The following TP53BP1 variants were observed in gnomAD, a reference collection of about 807,000 sequenced individuals.
TP53BP1 encodes TP53-binding protein 1.
Under a neutral mutation model 200.8 loss-of-function variants are expected in TP53BP1, and 61 were observed. The ratio of observed to expected loss-of-function variants is 0.30; its 90% confidence interval spans 0.25 to 0.38. TP53BP1 has a LOEUF of 0.38. TP53BP1 is among the 10% of genes least tolerant of loss of function. The probability of loss-of-function intolerance (pLI) is 1.00; values close to 1 mark genes in which losing one functional copy is unlikely to be tolerated. For synonymous variants in TP53BP1, 822 were observed against 844.3 expected (o/e 0.97, Z 0.46); for missense variants, 2,144 against 2,371.9 (o/e 0.90, Z 2.00).
At position 43,403,902 on chromosome 15, in the gene TP53BP1, A is replaced by G. The variant is rs2044765321; in HGVS notation, c.*3481T>C. 2.5e-6 allele frequency: 2 copies of G among 799,336 alleles called. No individual in the cohort carries two copies. The highest frequency in any genetic ancestry group is 4.3e-6 in the Non-Finnish European group (2 of 461,048). 49.5% of individuals were successfully genotyped at this position (799,336 alleles called of 1,614,324 possible). On this transcript the variant is annotated 3_prime_UTR_variant, in exon 28 of 28. Transcript: ENST00000382044. The stretch of plus-strand genomic sequence containing the variant: ...TCTGAGTCAGTAAAGCATTTCCTCA[A>G]TACACACACGTACAGAGATAAGATA...
intron 4 of TP53BP1, among the ~76,000 whole-genome samples, chr15:43,485,181 T>C (rs1258564638): frequency 6.6e-6 from 1 of 152,190 alleles, no homozygotes; most frequent in South Asian, 2.1e-4. Flanking sequence ...TGCTATACCC[T>C]ACACAAGAAT....
chr15:43,414,612 A>AC (rs1349180627), intron 23 of TP53BP1, among the ~76,000 whole-genome samples: 1 of 152,164 alleles, frequency 6.6e-6, no homozygotes, highest in Non-Finnish European at 1.5e-5. Flanking sequence ...TCAATGAACA[A>AC]CAGATGGAAT....
intron 1 of TP53BP1, among the ~76,000 whole-genome samples, chr15:43,505,842 G>A (rs1221670111): frequency 6.6e-6 from 1 of 152,190 alleles, no homozygotes; most frequent in Non-Finnish European, 1.5e-5. Flanking sequence ...TATGCATTAT[G>A]ATCATAGTAT....
chr15:43,484,059 G>A (rs2079012549), intron 4 of TP53BP1, among the ~76,000 whole-genome samples: 2 of 152,124 alleles, frequency 1.3e-5, no homozygotes, highest in Admixed American at 1.3e-4. Flanking sequence ...CATCCAGCTG[G>A]TTGTTGAAAA....
chr15:43,435,857 G>A (rs919083390), intron 16 of TP53BP1, among the ~76,000 whole-genome samples: 15 of 151,942 alleles, frequency 9.9e-5, no homozygotes, highest in Non-Finnish European at 1.8e-4. Context: ...GACCCTGCCT[G>A]GCTAATTTTT....
At chr15:43,435,383 G>A (rs2045771198) in intron 16 of TP53BP1, among the ~76,000 whole-genome samples, 1 of 150,348 alleles carries the variant, frequency 6.7e-6, no homozygotes, top group African/African-American at 2.5e-5. Flanking sequence ...GAGGCATCTA[G>A]AATCAAATCC....
At chr15:43,477,214 G>A (rs1302633080) in intron 8 of TP53BP1, among the ~76,000 whole-genome samples, 1 of 151,698 alleles carries the variant, frequency 6.6e-6, no homozygotes, top group African/African-American at 2.4e-5. Flanking sequence ...GCAGGAGAAT[G>A]GCATGATCCC....
chr15:43,441,627 A>G (rs528304302), intron 14 of TP53BP1, 44 bp from the exon 15 acceptor site: 2 of 1,395,036 alleles, frequency 1.4e-6, no homozygotes, highest in Middle Eastern at 1.8e-4. Context: ...AGAGAAACAG[A>G]ATTTAGTTAG....
rs2046296326 is a variant in TP53BP1, at chr15:43,456,359, G to A, written c.2249C>T (p.Ala750Val). Residue 750 changes from alanine to valine, a missense_variant, in exon 12 of 28, where the codon GCT (alanine) becomes GTT (valine). Around this residue, in one of 4 missense-constraint regions of TP53BP1, gnomAD observed 1,700 missense variants for 1,710.3 expected, o/e 0.99. Transcript: ENST00000382044. The stretch of plus-strand genomic sequence containing the variant: ...GTCCTCTGAAGTAGCTTCTTCCCAA[G>A]CTTCCTGTTCCTTATGTTCCAATTC... ...DQELEHKEQEAWEEATSEDSS... is the reference protein window; with the variant it reads ...DQELEHKEQEVWEEATSEDSS... 6.2e-7 allele frequency: 1 copy of A among 1,612,234 alleles called. No individual in the cohort carries two copies. The highest frequency in any genetic ancestry group is 8.5e-7 in the Non-Finnish European group (1 of 1,179,522).
Position 43,492,403 on chromosome 15 carries a change from G to C in TP53BP1, c.73C>G (p.Leu25Val). 1 of 1,614,018 alleles carries C rather than the reference G, an allele frequency of 6.2e-7. No individual in the cohort carries two copies. The highest frequency in any genetic ancestry group is 8.5e-7 in the Non-Finnish European group (1 of 1,179,928). The stretch of plus-strand genomic sequence containing the variant: ...TCAGGCTGAGAATCTTCAATTATCA[G>C]GCAAGGAGTATCTTGCTGAGAGAAA... ...SDFSQQDTPCLIIEDSQPESQ... is the reference protein window; with the variant it reads ...SDFSQQDTPCVIIEDSQPESQ... Residue 25 changes from leucine to valine, a missense_variant, in exon 2 of 28, where the codon CTG becomes GTG. Leu to Val is a conservative substitution (Grantham distance 32). Transcript: ENST00000382044.
intron 11 of TP53BP1, among the ~76,000 whole-genome samples, chr15:43,465,974 C>G (rs1302723037): frequency 6.6e-6 from 1 of 152,170 alleles, no homozygotes; most frequent in Non-Finnish European, 1.5e-5. Context: ...CACTTAACAG[C>G]AGCACTGGAA....
At position 43,407,307 on chromosome 15, in the gene TP53BP1, A is replaced by G; in HGVS notation, c.*76T>C. On this transcript the variant is annotated 3_prime_UTR_variant, in exon 28 of 28. Transcript: ENST00000382044. ...ATCCATGCAAGGAATCCAGTTACAC[A>G]CAAGACACATTTAAAACCTGGTTAA... 7.6e-7 allele frequency: 1 copy of G among 1,313,820 alleles called. No individual in the cohort carries two copies. Among genetic ancestry groups the G allele is most frequent in the South Asian group, 1.3e-5 (1 of 76,634 alleles). The allele number at this position is 1,313,820 out of a possible 1,614,324, so 81.4% of individuals were successfully genotyped here.
At chr15:43,427,170 T>C (rs1043198307) in intron 18 of TP53BP1, among the ~76,000 whole-genome samples, 2 of 152,324 alleles carry the variant, frequency 1.3e-5, no homozygotes, top group South Asian at 4.1e-4. Context: ...AAAGTCAGCA[T>C]AGTATGCCAT....
At chr15:43,435,267 C>CAAAAAAAA (rs377275791) in intron 16 of TP53BP1, among the ~76,000 whole-genome samples, 8 of 55,660 alleles carry the variant, frequency 1.4e-4, no homozygotes, top group East Asian at 6.3e-4. Flanking sequence ...GACCCCATCT[C>CAAAAAAAA]AAAAAAAAAA....
chr15:43,405,177 A>G lies in TP53BP1; in HGVS notation c.*2206T>C. The G allele has an allele frequency of 1.9e-6, 3 of 1,614,076 alleles. No homozygotes were observed. Among genetic ancestry groups the G allele is most frequent in the Non-Finnish European group, 2.5e-6 (3 of 1,179,938 alleles). ...TAGTCTTGGGAAAGCATGACACTTA[A>G]TAAGGCTCTTTTTCTCTTTTGTAGT... On this transcript the variant is annotated 3_prime_UTR_variant, in exon 28 of 28. Coordinates refer to ENST00000382044, the MANE Select transcript of TP53BP1 (RefSeq NM_001141980.3).
intron 21 of TP53BP1, chr15:43,416,937 CCTCT>C (rs1404817146): frequency 6.6e-6 from 1 of 152,470 alleles, no homozygotes; most frequent in African/African-American, 2.4e-5. Flanking sequence ...ACCTAATCTT[CCTCT>C]CTATTATCTA....
At chr15:43,467,957 T>A (rs1039014764) in intron 11 of TP53BP1, among the ~76,000 whole-genome samples, 1 of 152,134 alleles carries the variant, frequency 6.6e-6, no homozygotes, top group Non-Finnish European at 1.5e-5. Flanking sequence ...CTAATTTTTG[T>A]ATTTTTTGGT....
In TP53BP1 at chr15:43,481,633, G is replaced by A. The variant is rs566070511; in HGVS notation, c.372-611C>T. On this transcript the variant is annotated intron_variant, in intron 4 of 27. Transcript: ENST00000382044. ...AGATCGAGACCATCCTGGCTAACATGGTGAAACCCCGTCTCTACTAAAAAT... is the reference window on the plus strand; with the variant it reads ...AGATCGAGACCATCCTGGCTAACATAGTGAAACCCCGTCTCTACTAAAAAT... Among the ~76,000 whole-genome samples the A allele has an allele frequency of 2.6e-5, 4 of 151,644 alleles. No homozygotes were observed. The South Asian group carries it at 8.3e-4, about 32-fold the overall frequency.
intron 16 of TP53BP1, among the ~76,000 whole-genome samples, chr15:43,433,702 T>C (rs1465953577): frequency 6.6e-6 from 1 of 152,190 alleles, no homozygotes; most frequent in Non-Finnish European, 1.5e-5. Flanking sequence ...GAACTGACCA[T>C]GCTAAGACCA....
Sources: gnomAD v4.1 joint callset for allele counts (sites outside exome capture counted in the v4.1 genomes callset) on GRCh38, gnomAD v4.1.1 for gene constraint, gnomAD v4.1.1 regional missense constraint, MANE v1.5 for transcripts, NCBI Gene and HGNC (gene_info 2026-07-23, HGNC 2026-07-21) for gene names.